The following ZNF410 variants were observed in gnomAD, a reference collection of about 807,000 sequenced individuals.
ZNF410 encodes the protein zinc finger protein 410, also known as another partner for ARF 1.
Under a neutral mutation model 54.8 loss-of-function variants are expected in ZNF410, and 18 were observed. That is an observed-to-expected ratio of 0.33 (90% CI 0.23 to 0.49). The LOEUF is 0.49. Among genes scored for constraint, ZNF410 ranks in the 20% least tolerant of loss-of-function variants. The pLI is 0.99. For synonymous variants in ZNF410, 191 were observed against 207.3 expected, an observed-to-expected ratio of 0.92 and a Z score of 0.68; for missense variants, 405 against 569.6, an observed-to-expected ratio of 0.71 and a Z score of 2.94.
chr14:73,906,677 C>T (rs1189942687), intron 7 of ZNF410, among the ~76,000 whole-genome samples: 2 of 151,922 alleles, frequency 1.3e-5, no homozygotes, highest in African/African-American at 4.8e-5. Flanking sequence ...CCGGGTTTTG[C>T]CATGTTGGCC....
chr14:73,919,946 TAGTC>T (rs2055732707), intron 8 of ZNF410, among the ~76,000 whole-genome samples: 1 of 150,952 alleles, frequency 6.6e-6, no homozygotes, highest in Non-Finnish European at 1.5e-5. Flanking sequence ...TATAGCTTTT[TAGTC>T]AGTCTCTGTG....
intron 7 of ZNF410, among the ~76,000 whole-genome samples, chr14:73,905,944 TACACAC>T (rs869151597): frequency 7.8e-5 from 6 of 76,480 alleles, no homozygotes; most frequent in African/African-American, 2.3e-4. Flanking sequence ...TACATATATA[TACACAC>T]ACACACACAC....
At chr14:73,897,409 C>G (rs2055334313) in intron 4 of ZNF410, among the ~76,000 whole-genome samples, 1 of 152,004 alleles carries the variant, frequency 6.6e-6, no homozygotes, top group Admixed American at 6.6e-5. Flanking sequence ...TATTTAAAGA[C>G]ATAAGGAAAT....
chr14:73,896,894 G>C lies in ZNF410; in HGVS notation c.388+360G>C, dbSNP rs1343181680. Among the ~76,000 whole-genome samples the C allele has an allele frequency of 2.0e-5, 3 of 152,142 alleles. No individual in the cohort carries two copies. In the East Asian group the frequency reaches 5.8e-4, roughly 29 times the overall value. On this transcript the variant is annotated intron_variant, in intron 4 of 11. Coordinates refer to ENST00000555044, the MANE Select transcript of ZNF410 (RefSeq NM_021188.3). ...TGAATCCAGAGTTCTAGAAAGGTCT[G>C]TTTTGGTGCTTATCAGCATTCAGGA...
At position 73,922,200 on chromosome 14, in the gene ZNF410, G is replaced by C; in HGVS notation, c.1264G>C (p.Asp422His). The C allele has an allele frequency of 6.2e-7, 1 of 1,613,578 alleles. No individual in the cohort carries two copies. The highest frequency in any genetic ancestry group is 1.7e-4 in the Middle Eastern group (1 of 5,930). Residue 422 changes from aspartate to histidine, a missense_variant, in exon 10 of 12, where the codon GAT becomes CAT. Asp to His is a moderately conservative substitution (Grantham distance 81). Around this residue, in one of 3 missense-constraint regions of ZNF410, gnomAD observed 127 missense variants for 141.3 expected, o/e 0.90. Coordinates refer to ENST00000555044, the MANE Select transcript of ZNF410 (RefSeq NM_021188.3). Reference protein sequence around the residue: ...LPNTNSILGVDDEVLAEGSPR... With the variant: ...LPNTNSILGVHDEVLAEGSPR... Reference sequence around the variant, plus strand: ...AAATACCAATTCTATCCTGGGAGTTGATGATGGTAAGACTTCCAACTCTCC... The same window carrying C: ...AAATACCAATTCTATCCTGGGAGTTCATGATGGTAAGACTTCCAACTCTCC...
In ZNF410 at chr14:73,915,081, GGT is replaced by G. The variant is rs1263659821; in HGVS notation, c.1003+5653_1003+5654del. On this transcript the variant is annotated intron_variant, in intron 8 of 11. Coordinates refer to ENST00000555044, the MANE Select transcript of ZNF410 (RefSeq NM_021188.3). ...AGTTCTAGACCAGCCTGGCCAACGT[GGT>G]GAAACCCCATCTCTACTAAAAATAC... Among the ~76,000 whole-genome samples, 4 of 151,160 alleles carry G rather than the reference GGT, an allele frequency of 2.6e-5. No homozygotes were observed. In the South Asian group the frequency reaches 8.4e-4, roughly 32 times the overall value.
intron 8 of ZNF410, among the ~76,000 whole-genome samples, chr14:73,912,336 AT>A (rs1257374537): frequency 2.6e-5 from 4 of 151,924 alleles, no homozygotes; most frequent in Non-Finnish European, 5.9e-5. Context: ...CGCCCGACTA[AT>A]TTTTGTATTT....
At chr14:73,923,244 T>A in intron 10 of ZNF410, 151 bp from the exon 11 acceptor site, 1 of 832,916 alleles carries the variant, frequency 1.2e-6, no homozygotes, top group Non-Finnish European at 1.7e-6. Flanking sequence ...TCACTGATAA[T>A]GCTTATCAGA....
At chr14:73,919,155 G>T (rs1028037902) in intron 8 of ZNF410, among the ~76,000 whole-genome samples, 1 of 150,796 alleles carries the variant, frequency 6.6e-6, no homozygotes, top group South Asian at 2.1e-4. Flanking sequence ...ATATGCGCCC[G>T]CCACCACGCC....
chr14:73,920,687 A>T, intron 8 of ZNF410: 1 of 277,716 alleles, frequency 3.6e-6, no homozygotes. Flanking sequence ...AAAAGAAGGC[A>T]TATTTTTTGT....
chr14:73,924,025 A>T (rs1399381448), intron 11 of ZNF410, among the ~76,000 whole-genome samples: 1 of 152,166 alleles, frequency 6.6e-6, no homozygotes, highest in Non-Finnish European at 1.5e-5. Context: ...AAATCATTAA[A>T]CATAATTATT....
intron 1 of ZNF410, among the ~76,000 whole-genome samples, chr14:73,889,431 C>CAAAA (rs11330316): frequency 7.1e-5 from 6 of 84,966 alleles, no homozygotes; most frequent in Admixed American, 1.3e-4. Flanking sequence ...GACTCAGTCT[C>CAAAA]AAAAAAAAAA....
intron 8 of ZNF410, among the ~76,000 whole-genome samples, chr14:73,918,275 A>C (rs1429849984): frequency 3.3e-5 from 5 of 151,628 alleles, no homozygotes; most frequent in Non-Finnish European, 5.9e-5. Flanking sequence ...GCTAATTTTT[A>C]TATTTTTAGT....
At chr14:73,911,327 A>T (rs1031965783) in intron 8 of ZNF410, among the ~76,000 whole-genome samples, 16 of 152,190 alleles carry the variant, frequency 1.1e-4, no homozygotes, top group Admixed American at 9.8e-4. Context: ...GGCCGTGGGA[A>T]ACAAGGGGAA....
chr14:73,924,671 C>CTCTTT, intron 11 of ZNF410: 2 of 445,948 alleles, frequency 4.5e-6, no homozygotes, highest in East Asian at 7.0e-5. Context: ...GTCTTTTCTC[C>CTCTTT]TCTTTTCTTT....
Position 73,896,430 on chromosome 14 carries a change from A to G in ZNF410, c.284A>G (p.Gln95Arg), listed in dbSNP as rs760224757. The change falls in exon 4 of 12, where the codon CAG becomes CGG. Residue 95 changes from glutamine (Q) to arginine (R), a missense_variant. By Grantham distance (43) the Gln-to-Arg change is conservative. Around this residue, in one of 3 missense-constraint regions of ZNF410, gnomAD observed 247 missense variants for 342.8 expected, o/e 0.72. Coordinates refer to ENST00000555044, the MANE Select transcript of ZNF410 (RefSeq NM_021188.3). ...GAGGAGACGAGAGCTCAGACTGTAC[A>G]GAAATCCCCGGAGTTTTTGTCCACT... ...DGEETRAQTV[Q>R]KSPEFLSTSE... 2 of 1,614,124 alleles carry G rather than the reference A, an allele frequency of 1.2e-6. No homozygotes were observed. Among genetic ancestry groups the G allele is most frequent in the African/African-American group, 2.7e-5 (2 of 74,946 alleles).
At chr14:73,891,715 GT>G in intron 1 of ZNF410, 1 of 296,800 alleles carries the variant, frequency 3.4e-6, no homozygotes. Context: ...AATTGGGGGT[GT>G]GTGTGTGTGT....
rs1172941738 is a variant in ZNF410, at chr14:73,932,133, C to T, written c.*592C>T. Reference sequence around the variant, plus strand: ...CTGAGGTACTATCTTGTCCTATACACTTCTACTTGGTCACTTTGCTTTCTT... The same window carrying T: ...CTGAGGTACTATCTTGTCCTATACATTTCTACTTGGTCACTTTGCTTTCTT... On this transcript the variant is annotated 3_prime_UTR_variant, in exon 12 of 12. Transcript: ENST00000555044. 2 of 391,698 alleles carry T rather than the reference C, an allele frequency of 5.1e-6. No individual in the cohort carries two copies. Among genetic ancestry groups the T allele is most frequent in the Non-Finnish European group, 1.0e-5 (2 of 197,038 alleles). The allele number at this position is 391,698 out of a possible 1,614,324, so 24.3% of individuals were successfully genotyped here.
chr14:73,921,047 T>G lies in ZNF410; in HGVS notation c.1071T>G (p.His357Gln). 6.2e-7 allele frequency: 1 copy of G among 1,613,920 alleles called. No homozygotes were observed. The highest frequency in any genetic ancestry group is 8.5e-7 in the Non-Finnish European group (1 of 1,179,968). Residue 357 changes from histidine (H) to glutamine (Q), a missense_variant, in exon 9 of 12, where the codon CAT becomes CAG. His to Gln is a conservative substitution (Grantham distance 24). Around this residue, in one of 3 missense-constraint regions of ZNF410, gnomAD observed 127 missense variants for 141.3 expected, o/e 0.90. Transcript: ENST00000555044. ...TFSQSGSRNVHMRKHHLQLGA... is the reference protein window; with the variant it reads ...TFSQSGSRNVQMRKHHLQLGA... ...CTCAGAGTGGAAGCAGGAATGTGCA[T>G]ATGAGAAAGCATCACCTGCAGCTGG...
Sources: gnomAD v4.1 joint callset for allele counts (sites outside exome capture counted in the v4.1 genomes callset) on GRCh38, gnomAD v4.1.1 for gene constraint, gnomAD v4.1.1 regional missense constraint, MANE v1.5 for transcripts, NCBI Gene and HGNC (gene_info 2026-07-23, HGNC 2026-07-21) for gene names.